Variants in LENG1 observed in about 807,000 individuals in gnomAD.
LENG1 encodes the protein leukocyte receptor cluster (LRC) member 1.
In LENG1, 35 loss-of-function variants were observed where a neutral mutation model predicts 28.8. That is an observed-to-expected ratio of 1.22 (90% CI 0.93 to 1.61). The LOEUF (loss-of-function observed/expected upper bound fraction) is 1.61, where lower values mean the gene tolerates loss of function less well. Ranked by LOEUF, LENG1 falls within the 40% of genes most tolerant of loss-of-function variation. The probability of loss-of-function intolerance (pLI) is 0.00; values close to 1 mark genes in which losing one functional copy is unlikely to be tolerated. For missense variants in LENG1, 404 were observed against 348.9 expected, an observed-to-expected ratio of 1.16 and a Z score of -1.26; for synonymous variants, 170 against 140.6, an observed-to-expected ratio of 1.21 and a Z score of -1.48.
At position 54,158,388 on chromosome 19, in the gene LENG1, C is replaced by T; in HGVS notation, c.206G>A (p.Gly69Glu). 1.2e-6 allele frequency: 2 copies of T among 1,614,228 alleles called. No homozygotes were observed. The highest frequency in any genetic ancestry group is 1.7e-6 in the Non-Finnish European group (2 of 1,180,038). Residue 69 changes from glycine to glutamate, a missense_variant, in exon 2 of 4, where the codon GGA (glycine) becomes GAA (glutamate). Coordinates refer to ENST00000222224, the MANE Select transcript of LENG1 (RefSeq NM_024316.3). ...GTCCACAGGGCCAGAACCTGGGGCTCCCGCCTCTGCTGCTTCAAGCTCAGG... is the reference window on the plus strand; with the variant it reads ...GTCCACAGGGCCAGAACCTGGGGCTTCCGCCTCTGCTGCTTCAAGCTCAGG... ...SLPELEAAEA[G>E]APGSGPVDLF...
intron 1 of LENG1, 130 bp downstream of exon 1, chr19:54,159,434 G>A: frequency 1.0e-6 from 1 of 981,992 alleles, no homozygotes; most frequent in South Asian, 1.7e-5. Context: ...CCTCGAAAGT[G>A]GGATCGGCGC....
At chr19:54,157,431 C>T (rs192752557) in intron 2 of LENG1, among the ~76,000 whole-genome samples, 226 of 152,264 alleles carry the variant, frequency 1.5e-3, no homozygotes, top group Middle Eastern at 3.4e-3. Context: ...TGCAGTGGCA[C>T]GATCTCGGCT....
Position 54,156,949 on chromosome 19 carries a change from CA to C in LENG1, c.388del (p.Trp130GlyfsTer138), listed in dbSNP as rs1316170820. ...SAAEAQTQPP[W>X]YQLPPGRGGP... ...CCCTCGCCCTGGGGGTAGCTGGTAC[CA>C]AGGGGGTTGAGTCTGTGCCTCCGCT... On this transcript the variant is annotated frameshift_variant, in exon 3 of 4. Coordinates refer to ENST00000222224, the MANE Select transcript of LENG1 (RefSeq NM_024316.3). LOFTEE classifies it high-confidence loss of function. The C allele has an allele frequency of 1.7e-5, 27 of 1,612,194 alleles. No individual in the cohort carries two copies. The highest frequency in any genetic ancestry group is 2.3e-5 in the Non-Finnish European group (27 of 1,179,000).
chr19:54,155,824 G>T lies in LENG1; in HGVS notation c.692C>A (p.Pro231Gln). The stretch of plus-strand genomic sequence containing the variant: ...CCGGTCATCCGTCTCGTCTTCTTCC[G>T]GCTGACCCTCCTGTAGTGCCCGGCC... ...VQGRALQEGQ[P>Q]EEDETDDRRR... Residue 231 changes from proline (P) to glutamine (Q), a missense_variant, in exon 4 of 4, where the codon CCG (proline) becomes CAG (glutamine). Physicochemically the swap from Pro to Gln is moderately conservative, Grantham distance 76. Transcript: ENST00000222224. 6.2e-7 allele frequency: 1 copy of T among 1,612,506 alleles called. No individual in the cohort carries two copies. Among genetic ancestry groups the T allele is most frequent in the South Asian group, 1.1e-5 (1 of 90,822 alleles).
chr19:54,155,305 C>T lies in LENG1; in HGVS notation c.*416G>A. On this transcript the variant is annotated 3_prime_UTR_variant, in exon 4 of 4. Transcript: ENST00000222224. ...ACTCACTGACCGCCTTCTCCCCCGGCCAGGGCACCTACATCTACTTTGACT... is the reference window on the plus strand; with the variant it reads ...ACTCACTGACCGCCTTCTCCCCCGGTCAGGGCACCTACATCTACTTTGACT... 1 of 1,613,020 alleles carries T rather than the reference C, an allele frequency of 6.2e-7. No homozygotes were observed. Among genetic ancestry groups the T allele is most frequent in the Non-Finnish European group, 8.5e-7 (1 of 1,179,506 alleles).
intron 1 of LENG1, among the ~76,000 whole-genome samples, chr19:54,158,778 GC>G (rs2075444442): frequency 6.6e-6 from 1 of 152,188 alleles, no homozygotes; most frequent in South Asian, 2.1e-4. Flanking sequence ...TATGCATTAG[GC>G]CAGACGATCT....
In LENG1 at chr19:54,155,447, C is replaced by T; in HGVS notation, c.*274G>A. On this transcript the variant is annotated 3_prime_UTR_variant, in exon 4 of 4. Transcript: ENST00000222224. The stretch of plus-strand genomic sequence containing the variant: ...TCTACCCACCCCCTTCCCCCGCATG[C>T]TGATCCCCCTGCCCAGGTGAGGGCC... 2 of 1,330,102 alleles carry T rather than the reference C, an allele frequency of 1.5e-6. No homozygotes were observed. The highest frequency in any genetic ancestry group is 1.3e-5 in the South Asian group (1 of 78,384). 82.4% of individuals were successfully genotyped at this position (1,330,102 alleles called of 1,614,324 possible). A position where few individuals can be genotyped will look rare whatever the true frequency, so the allele number is the denominator to read the frequency against.
chr19:54,156,259 C>T (rs1181291722), intron 3 of LENG1, among the ~76,000 whole-genome samples: 1 of 152,328 alleles, frequency 6.6e-6, no homozygotes, highest in Middle Eastern at 3.4e-3. Context: ...TGTACCCCCT[C>T]TAGACCAGGG....
chr19:54,159,481 C>A, intron 1 of LENG1, 83 bp downstream of exon 1: 1 of 1,390,796 alleles, frequency 7.2e-7, no homozygotes, highest in African/African-American at 1.5e-5. Context: ...ATTGAGCCTG[C>A]GCAACGCCTC....
intron 2 of LENG1, among the ~76,000 whole-genome samples, chr19:54,157,279 C>G (rs548765330): frequency 2.0e-5 from 3 of 152,276 alleles, no homozygotes; most frequent in Admixed American, 6.5e-5. Context: ...TGCAGAGAGA[C>G]TTGAAGAGAA....
At chr19:54,156,305 C>T (rs1428349622) in intron 3 of LENG1, among the ~76,000 whole-genome samples, 1 of 152,214 alleles carries the variant, frequency 6.6e-6, no homozygotes, top group Non-Finnish European at 1.5e-5. Flanking sequence ...TGCTTTTACT[C>T]TCTAACCCAG....
chr19:54,156,458 T>C (rs115621740), intron 3 of LENG1, among the ~76,000 whole-genome samples: 359 of 152,326 alleles, frequency 2.4e-3, no homozygotes, highest in African/African-American at 8.2e-3. Context: ...GCATCTGCCA[T>C]TGGCCATCAG....
chr19:54,155,989 A>G (rs2075377744), intron 3 of LENG1, 49 bp from the exon 4 acceptor site: 2 of 1,517,786 alleles, frequency 1.3e-6, no homozygotes. Flanking sequence ...CTAGGAGGCC[A>G]TTCCCCCAAC....
rs760491493 is a variant in LENG1, at chr19:54,158,247, T to TGGCCC, written c.312+30_312+34dup. The TGGCCC allele has an allele frequency of 8.1e-6, 13 of 1,596,454 alleles. No homozygotes were observed. The South Asian group carries it at 1.3e-4, about 16-fold the overall frequency. On this transcript the variant is annotated intron_variant, in intron 2 of 3. Transcript: ENST00000222224. ...TGCCCCCTCCCTCCAACTCGATTCA[T>TGGCCC]GGCCCCTCTGATGAAGTGGGTGAGG...
chr19:54,157,217 G>T (rs1310198485), intron 2 of LENG1, among the ~76,000 whole-genome samples, 192 bp from the exon 3 acceptor site: 3 of 152,182 alleles, frequency 2.0e-5, no homozygotes, highest in Admixed American at 2.0e-4. Flanking sequence ...AGTAACAGCA[G>T]GGGAAGGAGG....
At chr19:54,157,159 G>A in intron 2 of LENG1, 134 bp from the exon 3 acceptor site, 1 of 655,362 alleles carries the variant, frequency 1.5e-6, no homozygotes, top group Non-Finnish European at 2.4e-6. Context: ...GCTGGGGATG[G>A]AAGACAAACA....
chr19:54,158,380 C>G lies in LENG1; in HGVS notation c.214G>C (p.Gly72Arg). The stretch of plus-strand genomic sequence containing the variant: ...CGAAACAGGTCCACAGGGCCAGAAC[C>G]TGGGGCTCCCGCCTCTGCTGCTTCA... The part of the protein sequence containing the change: ...ELEAAEAGAP[G>R]SGPVDLFREL... The change falls in exon 2 of 4, where the codon GGT becomes CGT. Residue 72 changes from glycine to arginine, a missense_variant. By Grantham distance (125) the Gly-to-Arg change is moderately radical. Transcript: ENST00000222224. 6.2e-7 allele frequency: 1 copy of G among 1,614,224 alleles called. No homozygotes were observed.
intron 3 of LENG1, among the ~76,000 whole-genome samples, chr19:54,156,370 C>T (rs2075386690): frequency 6.6e-6 from 1 of 152,166 alleles, no homozygotes; most frequent in Non-Finnish European, 1.5e-5. Flanking sequence ...AAACCAAGGA[C>T]CCCAAGAGCT....
chr19:54,157,629 C>T (rs868150515), intron 2 of LENG1, among the ~76,000 whole-genome samples: 1 of 152,148 alleles, frequency 6.6e-6, no homozygotes, highest in African/African-American at 2.4e-5. Flanking sequence ...GTTGGCCTCC[C>T]AAAGTGCTGG....
Sources: allele counts gnomAD v4.1 joint callset (sites outside exome capture counted in the v4.1 genomes callset), GRCh38; gene constraint gnomAD v4.1.1; transcripts MANE v1.5; gene names NCBI Gene and HGNC (gene_info 2026-07-23, HGNC 2026-07-21).